SH2D4B: variants seen among roughly 807,000 people sequenced by gnomAD.
The protein encoded by SH2D4B is SH2 domain containing 4B, also known as SH2 domain-containing protein 4B.
SH2D4B carries 45 observed loss-of-function variants against 61.5 expected under a neutral mutation model. The ratio of observed to expected loss-of-function variants is 0.73; its 90% confidence interval spans 0.58 to 0.94. SH2D4B has a LOEUF of 0.94. Among genes scored for constraint, SH2D4B ranks in the 40% least tolerant of loss-of-function variants. The pLI is 0.00. For missense variants in SH2D4B, 572 were observed against 574.2 expected (o/e 1.00, Z 0.04); for synonymous variants, 224 against 220.4 (o/e 1.02, Z -0.14).
At chr10:80,614,130 G>T (rs1449160287) in intron 6 of SH2D4B, among the ~76,000 whole-genome samples, 1 of 152,186 alleles carries the variant, frequency 6.6e-6, no homozygotes, top group Non-Finnish European at 1.5e-5. Context: ...GGCTCCAGGT[G>T]TGTGAGGCTG....
chr10:80,612,798 A>T (rs1210421549), intron 6 of SH2D4B, among the ~76,000 whole-genome samples: 1 of 152,170 alleles, frequency 6.6e-6, no homozygotes, highest in African/African-American at 2.4e-5. Flanking sequence ...TACTCGAATG[A>T]TTTCCTTCCC....
intron 5 of SH2D4B, among the ~76,000 whole-genome samples, chr10:80,604,650 C>T (rs752045475): frequency 3.9e-5 from 6 of 152,118 alleles, no homozygotes; most frequent in Non-Finnish European, 7.3e-5. Flanking sequence ...TTCCCCTCCC[C>T]CCTTCCCACC....
intron 6 of SH2D4B, among the ~76,000 whole-genome samples, chr10:80,624,501 AG>A (rs1314562821): frequency 6.6e-6 from 1 of 152,224 alleles, no homozygotes; most frequent in Non-Finnish European, 1.5e-5. Flanking sequence ...CTGAATATAG[AG>A]GGAGTTTCTA....
intron 1 of SH2D4B, among the ~76,000 whole-genome samples, chr10:80,540,284 A>T (rs964134667): frequency 5.9e-5 from 9 of 152,078 alleles, no homozygotes; most frequent in Admixed American, 3.3e-4. Context: ...TGCCTTTTGG[A>T]ACTGTCTGGG....
intron 4 of SH2D4B, among the ~76,000 whole-genome samples, chr10:80,590,765 A>G (rs1357743279): frequency 2.0e-5 from 3 of 152,122 alleles, no homozygotes; most frequent in African/African-American, 4.8e-5. Flanking sequence ...AAAGTGTACA[A>G]TTTAGTGGTT....
At chr10:80,634,165 G>C in intron 6 of SH2D4B, 120 bp from the exon 7 acceptor site, 1 of 1,347,970 alleles carries the variant, frequency 7.4e-7, no homozygotes, top group Non-Finnish European at 9.8e-7. Flanking sequence ...TGCCACCCTG[G>C]ACTGTGTGGA....
chr10:80,543,827 CTG>C (rs1841623548), intron 1 of SH2D4B, among the ~76,000 whole-genome samples: 1 of 152,228 alleles, frequency 6.6e-6, no homozygotes, highest in African/African-American at 2.4e-5. Context: ...AATGGACACT[CTG>C]TATCTAGCTA....
intron 1 of SH2D4B, among the ~76,000 whole-genome samples, chr10:80,543,859 A>T (rs1416674047): frequency 1.3e-5 from 2 of 152,022 alleles, no homozygotes; most frequent in African/African-American, 2.4e-5. Context: ...GGACTTGGAG[A>T]ACCTTTGTGT....
chr10:80,618,385 T>C (rs558220530), intron 6 of SH2D4B, among the ~76,000 whole-genome samples: 3 of 152,302 alleles, frequency 2.0e-5, no homozygotes, highest in Admixed American at 1.3e-4. Context: ...TTCATAGGCA[T>C]GGATATTGCC....
At chr10:80,581,473 G>C (rs1475685101) in intron 3 of SH2D4B, among the ~76,000 whole-genome samples, 1 of 149,766 alleles carries the variant, frequency 6.7e-6, no homozygotes, top group Non-Finnish European at 1.5e-5. Context: ...CTTTACACAG[G>C]TAATTCAGTT....
chr10:80,545,632 A>T (rs769950810), intron 1 of SH2D4B, among the ~76,000 whole-genome samples: 1 of 150,590 alleles, frequency 6.6e-6, no homozygotes, highest in African/African-American at 2.5e-5. Context: ...CCATGAGTCC[A>T]TGGATGTTGC....
chr10:80,541,027 TGTTA>T, intron 1 of SH2D4B: 3 of 929,516 alleles, frequency 3.2e-6, no homozygotes, highest in Non-Finnish European at 5.1e-6. Context: ...GGCAAGAAAC[TGTTA>T]GTGAGAAGCG....
intron 6 of SH2D4B, among the ~76,000 whole-genome samples, chr10:80,613,897 C>A (rs1842630927): frequency 6.6e-6 from 1 of 152,188 alleles, no homozygotes; most frequent in Non-Finnish European, 1.5e-5. Context: ...TCTTCAGACT[C>A]CTCCGGATTG....
At chr10:80,580,947 G>T (rs2132124893) in intron 3 of SH2D4B, among the ~76,000 whole-genome samples, 1 of 152,266 alleles carries the variant, frequency 6.6e-6, no homozygotes, top group African/African-American at 2.4e-5. Context: ...TCTTTCAGTG[G>T]TATTAGATGG....
At chr10:80,583,260 A>G (rs1252448762) in intron 3 of SH2D4B, among the ~76,000 whole-genome samples, 2 of 151,692 alleles carry the variant, frequency 1.3e-5, no homozygotes, top group Non-Finnish European at 2.9e-5. Flanking sequence ...AGAAAAGAAC[A>G]ACCAAAGAAT....
intron 1 of SH2D4B, among the ~76,000 whole-genome samples, chr10:80,548,856 G>C (rs1412460232): frequency 2.0e-5 from 3 of 152,220 alleles, no homozygotes; most frequent in Admixed American, 1.3e-4. Flanking sequence ...GGGTGACTTA[G>C]GGAGCAAGGG....
At chr10:80,612,581 T>C (rs1004345373) in intron 6 of SH2D4B, among the ~76,000 whole-genome samples, 1 of 152,190 alleles carries the variant, frequency 6.6e-6, no homozygotes, top group African/African-American at 2.4e-5. Flanking sequence ...GCCTTGTACC[T>C]CACAGAGCTG....
chr10:80,605,782 G>C (rs1279234081), intron 5 of SH2D4B, among the ~76,000 whole-genome samples: 1 of 152,178 alleles, frequency 6.6e-6, no homozygotes, highest in Non-Finnish European at 1.5e-5. Context: ...GCCTCCCAAA[G>C]TCCTGGGATT....
chr10:80,568,086 T>A (rs1425048547), intron 1 of SH2D4B, among the ~76,000 whole-genome samples: 1 of 151,736 alleles, frequency 6.6e-6, no homozygotes, highest in Non-Finnish European at 1.5e-5. Context: ...GTGTGAGAGA[T>A]CACACTTTTT....
Sources: allele counts gnomAD v4.1 joint callset (sites outside exome capture counted in the v4.1 genomes callset), GRCh38; gene constraint gnomAD v4.1.1; transcripts MANE v1.5; gene names NCBI Gene and HGNC (gene_info 2026-07-23, HGNC 2026-07-21).